PRDM5: variants seen among roughly 807,000 people sequenced by gnomAD.
The protein encoded by PRDM5 is PR domain zinc finger protein 5.
Under a neutral mutation model 81.2 loss-of-function variants are expected in PRDM5, and 56 were observed. The ratio of observed to expected loss-of-function variants is 0.69; its 90% CI spans 0.56 to 0.86. The LOEUF (loss-of-function observed/expected upper bound fraction) is 0.86, where lower values mean the gene tolerates loss of function less well. PRDM5 is among the 40% of genes least tolerant of loss of function. PRDM5 has a pLI of 0.00. For synonymous variants in PRDM5, 267 were observed against 256.4 expected (o/e 1.04, Z -0.39); for missense variants, 697 against 770.1 (o/e 0.91, Z 1.12).
intron 10 of PRDM5, among the ~76,000 whole-genome samples, chr4:120,788,398 T>C (rs139299093): frequency 1.2e-4 from 19 of 152,218 alleles, no homozygotes; most frequent in African/African-American, 4.3e-4. Flanking sequence ...CTACAAAACA[T>C]TGAGGAGGGT....
At chr4:120,886,798 T>C (rs1479667147) in intron 2 of PRDM5, among the ~76,000 whole-genome samples, 4 of 152,136 alleles carry the variant, frequency 2.6e-5, no homozygotes, top group Non-Finnish European at 4.4e-5. Flanking sequence ...ACAATGCCCT[T>C]CCTTCAAAAG....
chr4:120,745,562 C>T (rs1460347790), intron 14 of PRDM5, among the ~76,000 whole-genome samples: 2 of 148,266 alleles, frequency 1.3e-5, no homozygotes, highest in African/African-American at 5.1e-5. Flanking sequence ...TCTCCTTAAG[C>T]TGATAAGCAA....
intron 2 of PRDM5, among the ~76,000 whole-genome samples, chr4:120,870,930 CTA>C (rs1428285317): frequency 2.0e-5 from 3 of 152,198 alleles, no homozygotes; most frequent in South Asian, 2.1e-4. Context: ...GCCTCTGGAA[CTA>C]TGTTTTGTCT....
chr4:120,840,795 C>G (rs1253604699), intron 3 of PRDM5, among the ~76,000 whole-genome samples: 1 of 152,200 alleles, frequency 6.6e-6, no homozygotes, highest in East Asian at 1.9e-4. Context: ...AGGGGGCTAT[C>G]TGCCTCCTCC....
At chr4:120,808,840 G>T (rs914714885) in intron 8 of PRDM5, among the ~76,000 whole-genome samples, 29 of 152,306 alleles carry the variant, frequency 1.9e-4, no homozygotes, top group African/African-American at 7.0e-4. Context: ...CAGGGTTTGC[G>T]GGCTGGCCGG....
chr4:120,835,333 C>A (rs961415744), intron 3 of PRDM5, among the ~76,000 whole-genome samples: 1 of 152,020 alleles, frequency 6.6e-6, no homozygotes, highest in African/African-American at 2.4e-5. Flanking sequence ...ATAGGAGAAA[C>A]CTAGTAAAGA....
intron 12 of PRDM5, among the ~76,000 whole-genome samples, chr4:120,778,815 TA>T (rs2149231844): frequency 6.6e-6 from 1 of 152,286 alleles, no homozygotes; most frequent in Non-Finnish European, 1.5e-5. Context: ...TATTTATCTT[TA>T]CATTTCAGTA....
intron 3 of PRDM5, among the ~76,000 whole-genome samples, chr4:120,851,717 G>A (rs143131706): frequency 6.2e-4 from 95 of 152,262 alleles, no homozygotes; most frequent in African/African-American, 1.9e-3. Context: ...CTAGATGACT[G>A]TTTGCTAGTT....
intron 14 of PRDM5, among the ~76,000 whole-genome samples, chr4:120,736,686 A>G (rs1741177274): frequency 6.6e-6 from 1 of 152,108 alleles, no homozygotes; most frequent in Admixed American, 6.5e-5. Context: ...ATCTTGTACT[A>G]TATATTCGAT....
At chr4:120,914,073 G>A (rs1766809234) in intron 1 of PRDM5, among the ~76,000 whole-genome samples, 1 of 152,078 alleles carries the variant, frequency 6.6e-6, no homozygotes, top group Non-Finnish European at 1.5e-5. Flanking sequence ...CTAGAAAAAG[G>A]AAGATAAGGC....
At chr4:120,762,083 T>A (rs1412817425) in intron 13 of PRDM5, among the ~76,000 whole-genome samples, 1 of 152,132 alleles carries the variant, frequency 6.6e-6, no homozygotes, top group Admixed American at 6.5e-5. Context: ...CCATTTTCAA[T>A]AAGCATTTTA....
intron 14 of PRDM5, among the ~76,000 whole-genome samples, chr4:120,746,205 G>A (rs1742999657): frequency 1.1e-5 from 1 of 90,796 alleles, no homozygotes; most frequent in African/African-American, 4.5e-5. Flanking sequence ...TTTAATAAAT[G>A]GTGCTGGGAA....
chr4:120,737,618 C>T (rs1420926993), intron 14 of PRDM5, among the ~76,000 whole-genome samples: 1 of 152,206 alleles, frequency 6.6e-6, no homozygotes, highest in East Asian at 1.9e-4. Context: ...CAGTTGGGCA[C>T]ATCACAAACA....
At chr4:120,769,686 G>A (rs1746954998) in intron 13 of PRDM5, among the ~76,000 whole-genome samples, 2 of 152,196 alleles carry the variant, frequency 1.3e-5, no homozygotes, top group South Asian at 4.1e-4. Flanking sequence ...AAAAACCCAT[G>A]AGAACAGCAA....
intron 3 of PRDM5, among the ~76,000 whole-genome samples, chr4:120,835,191 T>C (rs1757197647): frequency 6.6e-6 from 1 of 152,216 alleles, no homozygotes; most frequent in South Asian, 2.1e-4. Context: ...GAGTTTACAG[T>C]ATTCCTAAAG....
chr4:120,859,828 G>A (rs567751889), intron 2 of PRDM5, among the ~76,000 whole-genome samples: 13 of 152,008 alleles, frequency 8.6e-5, no homozygotes, highest in South Asian at 4.2e-4. Context: ...CCCTCTCTAC[G>A]TTTCTCTTCC....
intron 2 of PRDM5, among the ~76,000 whole-genome samples, chr4:120,873,414 T>C (rs1762038301): frequency 6.6e-6 from 1 of 152,202 alleles, no homozygotes; most frequent in Admixed American, 6.5e-5. Context: ...TTGATAGAAA[T>C]AATTGAACAG....
At chr4:120,792,284 A>G (rs17051260) in intron 10 of PRDM5, among the ~76,000 whole-genome samples, 30,270 of 152,184 alleles carry the variant, frequency 0.2, 3,662 homozygotes, top group Non-Finnish European at 0.28. Flanking sequence ...ACTATATTGA[A>G]GAAAGTCACT....
downstream of PRDM5, among the ~76,000 whole-genome samples, chr4:120,690,096 C>G (rs55789843): frequency 0.027 from 4,080 of 152,200 alleles, 83 homozygotes; most frequent in South Asian, 0.097. Flanking sequence ...AGTTTCCAAC[C>G]AGTTTTCATC....
Sources: allele counts gnomAD v4.1 joint callset (sites outside exome capture counted in the v4.1 genomes callset), GRCh38; gene constraint gnomAD v4.1.1; transcripts MANE v1.5; gene names NCBI Gene and HGNC (gene_info 2026-07-23, HGNC 2026-07-21).